Variants in SCN2A observed in about 807,000 individuals in gnomAD.
SCN2A encodes the protein sodium voltage-gated channel alpha subunit 2, also known as sodium channel protein type 2 subunit alpha.
In SCN2A, 20 loss-of-function variants were observed where a neutral mutation model predicts 188.7. The observed-to-expected ratio is 0.11, with a 90% CI of 0.07 to 0.15. The LOEUF (loss-of-function observed/expected upper bound fraction) is 0.15, where lower values mean the gene tolerates loss of function less well. SCN2A is among the 10% of genes least tolerant of loss of function. The pLI is 1.00. For missense variants in SCN2A, 1,278 were observed against 2,445.0 expected (o/e 0.52, Z 10.07); for synonymous variants, 804 against 833.1 (o/e 0.97, Z 0.60).
intron 1 of SCN2A, among the ~76,000 whole-genome samples, chr2:165,249,876 A>T (rs1306295566): frequency 6.6e-6 from 1 of 152,080 alleles, no homozygotes; most frequent in African/African-American, 2.4e-5. Context: ...CTGAAAAAAA[A>T]TTCCACTGAA....
intron 17 of SCN2A, among the ~76,000 whole-genome samples, chr2:165,355,522 T>C (rs1010734645): frequency 1.3e-5 from 2 of 152,142 alleles, no homozygotes; most frequent in African/African-American, 4.8e-5. Flanking sequence ...AGACAAGATT[T>C]CCAGTAATTA....
At position 165,388,849 on chromosome 2, in the gene SCN2A, T is replaced by G. The variant is rs770118417; in HGVS notation, c.5043T>G (p.Asn1681Lys). 1.1e-5 allele frequency: 17 copies of G among 1,614,080 alleles called. No homozygotes were observed. The highest frequency in any genetic ancestry group is 1.4e-5 in the Non-Finnish European group (17 of 1,179,982). ...MFIYAIFGMSNFAYVKREVGI... is the reference protein window; with the variant it reads ...MFIYAIFGMSKFAYVKREVGI... ...TCTACGCCATCTTTGGGATGTCCAA[T>G]TTTGCCTATGTTAAGAGGGAAGTTG... Residue 1681 changes from asparagine to lysine, a missense_variant, in exon 27 of 27, where the codon AAT becomes AAG. Around this residue, in one of 17 missense-constraint regions of SCN2A, gnomAD observed 47 missense variants for 109.0 expected, o/e 0.43. Coordinates refer to ENST00000375437, the MANE Select transcript of SCN2A (RefSeq NM_001040142.2).
intron 26 of SCN2A, 43 bp from the exon 27 acceptor site, chr2:165,388,586 A>G (rs1701994347): frequency 6.2e-7 from 1 of 1,612,518 alleles, no homozygotes; most frequent in Non-Finnish European, 8.5e-7. Flanking sequence ...ATTTGCTACT[A>G]TTAAGTATAA....
At chr2:165,358,863 C>T (rs1272320503) in intron 17 of SCN2A, among the ~76,000 whole-genome samples, 2 of 151,966 alleles carry the variant, frequency 1.3e-5, no homozygotes, top group African/African-American at 2.4e-5. Flanking sequence ...TAGCAATAAA[C>T]GTAACATCAT....
At chr2:165,331,950 CT>C (rs1388998284) in intron 14 of SCN2A, among the ~76,000 whole-genome samples, 1 of 151,948 alleles carries the variant, frequency 6.6e-6, no homozygotes, top group Non-Finnish European at 1.5e-5. Context: ...TGAAATATCA[CT>C]TGTAAGTACT....
At chr2:165,388,182 C>A (rs1052227545) in intron 26 of SCN2A, among the ~76,000 whole-genome samples, 4 of 152,114 alleles carry the variant, frequency 2.6e-5, no homozygotes, top group Non-Finnish European at 5.9e-5. Flanking sequence ...CCTATGTTTT[C>A]TTCTGTACAT....
chr2:165,380,252 C>T (rs1384242562), intron 23 of SCN2A, among the ~76,000 whole-genome samples: 1 of 151,772 alleles, frequency 6.6e-6, no homozygotes, highest in Non-Finnish European at 1.5e-5. Flanking sequence ...TAATGTGACG[C>T]TGACATCTCT....
chr2:165,255,206 G>A (rs1031775236), intron 1 of SCN2A, among the ~76,000 whole-genome samples: 1 of 151,736 alleles, frequency 6.6e-6, no homozygotes, highest in African/African-American at 2.4e-5. Flanking sequence ...TCCCATAGGG[G>A]TATATCAACT....
chr2:165,249,291 G>A (rs1693992309), intron 1 of SCN2A, among the ~76,000 whole-genome samples: 1 of 152,050 alleles, frequency 6.6e-6, no homozygotes, highest in African/African-American at 2.4e-5. Flanking sequence ...CTGAGCTTTC[G>A]CTATGTAGGT....
chr2:165,361,776 A>G (rs1056726079), intron 17 of SCN2A, among the ~76,000 whole-genome samples: 2 of 151,986 alleles, frequency 1.3e-5, no homozygotes, highest in African/African-American at 4.8e-5. Flanking sequence ...AAAAGAGGGA[A>G]AACACTGTCA....
intron 1 of SCN2A, among the ~76,000 whole-genome samples, chr2:165,276,765 C>T (rs944935178): frequency 3.9e-5 from 6 of 152,138 alleles, no homozygotes; most frequent in Non-Finnish European, 8.8e-5. Flanking sequence ...GCCCAGTAAG[C>T]CCACAGTAAA....
At chr2:165,351,560 G>A (rs964526434) in intron 16 of SCN2A, among the ~76,000 whole-genome samples, 14 of 126,620 alleles carry the variant, frequency 1.1e-4, no homozygotes, top group Admixed American at 7.1e-4. Context: ...AAAAGACCTT[G>A]TAGTTAGACT....
chr2:165,366,127 C>T (rs1251696834), intron 18 of SCN2A, among the ~76,000 whole-genome samples: 1 of 152,130 alleles, frequency 6.6e-6, no homozygotes, highest in East Asian at 1.9e-4. Context: ...AATCCATTTC[C>T]TCCATAAAGC....
intron 12 of SCN2A, 51 bp downstream of exon 12, chr2:165,323,551 A>C (rs138948205): frequency 1.3e-6 from 2 of 1,500,424 alleles, no homozygotes; most frequent in African/African-American, 2.8e-5. Context: ...TGACTGGTGC[A>C]GGCAGGAGTG....
chr2:165,336,452 T>G (rs146930573), intron 14 of SCN2A, among the ~76,000 whole-genome samples: 10 of 151,958 alleles, frequency 6.6e-5, no homozygotes, highest in African/African-American at 2.4e-4. Context: ...ACCTTGAATA[T>G]ATTATATTAA....
intron 23 of SCN2A, among the ~76,000 whole-genome samples, chr2:165,379,014 T>C (rs755249068): frequency 7.9e-5 from 12 of 151,616 alleles, no homozygotes; most frequent in Non-Finnish European, 1.3e-4. Context: ...GGAAAAAAAA[T>C]AGTTAAATAA....
chr2:165,316,711 G>A (rs990140771), intron 11 of SCN2A, among the ~76,000 whole-genome samples: 4 of 152,252 alleles, frequency 2.6e-5, no homozygotes, highest in African/African-American at 9.6e-5. Flanking sequence ...GAAGCAGGGG[G>A]CTGCATTCTT....
intron 1 of SCN2A, chr2:165,267,551 T>C (rs1241416937): frequency 6.6e-6 from 1 of 151,722 alleles, no homozygotes; most frequent in Non-Finnish European, 1.5e-5. Context: ...TAGAAGAAAA[T>C]ATAGGGGAAA....
At chr2:165,375,045 C>A in intron 22 of SCN2A, 79 bp downstream of exon 22, 1 of 1,246,772 alleles carries the variant, frequency 8.0e-7, no homozygotes, top group Non-Finnish European at 1.2e-6. Context: ...ATGAGATATC[C>A]ACCTGTTAGA....
Sources: gnomAD v4.1 joint callset for allele counts (sites outside exome capture counted in the v4.1 genomes callset) on GRCh38, gnomAD v4.1.1 for gene constraint, gnomAD v4.1.1 regional missense constraint, MANE v1.5 for transcripts, NCBI Gene and HGNC (gene_info 2026-07-23, HGNC 2026-07-21) for gene names.